C8B: variants seen among roughly 807,000 people sequenced by gnomAD.
The protein encoded by C8B is complement component C8 beta chain.
In C8B, 67 loss-of-function variants were observed where a neutral mutation model predicts 64.6. The ratio of observed to expected loss-of-function variants is 1.04; its 90% CI spans 0.85 to 1.27. C8B has a LOEUF of 1.27. Ranked by LOEUF, C8B falls within the 50% of genes most tolerant of loss-of-function variation. The probability of loss-of-function intolerance (pLI) is 0.00; values close to 1 mark genes in which losing one functional copy is unlikely to be tolerated. For missense variants in C8B, 790 were observed against 725.2 expected, an observed-to-expected ratio of 1.09 and a Z score of -1.03; for synonymous variants, 284 against 257.7, an observed-to-expected ratio of 1.10 and a Z score of -0.98.
chr1:56,932,888 CAGG>C (rs1557725842), intron 10 of C8B, among the ~76,000 whole-genome samples: 1 of 152,124 alleles, frequency 6.6e-6, no homozygotes, highest in Non-Finnish European at 1.5e-5. Context: ...GCTATCACAA[CAGG>C]AGCATAAGAT....
chr1:56,941,196 A>C (rs1357401580), intron 8 of C8B, among the ~76,000 whole-genome samples, 184 bp from the exon 9 acceptor site: 3 of 152,214 alleles, frequency 2.0e-5, no homozygotes, highest in Non-Finnish European at 4.4e-5. Flanking sequence ...AAACTCACCC[A>C]GCCATAGGCT....
At chr1:56,952,296 G>A in intron 4 of C8B, 116 bp from the exon 5 acceptor site, 1 of 1,409,766 alleles carries the variant, frequency 7.1e-7, no homozygotes, top group Non-Finnish European at 9.9e-7. Flanking sequence ...CAAGGCCCTT[G>A]ATACCTGGTC....
rs201174086 is a variant in C8B, at chr1:56,952,178, A to G, written c.536T>C (p.Ile179Thr). The G allele has an allele frequency of 1.7e-5, 27 of 1,614,200 alleles. No homozygotes were observed. In the East Asian group the frequency reaches 3.6e-4, roughly 21 times the overall value. The change falls in exon 5 of 12, where the codon ATA becomes ACA. Residue 179 changes from isoleucine to threonine, a missense_variant and splice_region_variant. Coordinates refer to ENST00000371237, the MANE Select transcript of C8B (RefSeq NM_000066.4). ...YWGIGSLASG[I>T]NLFTNSFEGP... ...CTCAAAACTGTTTGTGAACAAATTT[A>G]TCCTGTGAGGAAGAGACAGAGATGG...
rs1055682946 is a variant in C8B at position 56,965,927 on chromosome 1, C to T, written c.22G>A (p.Ala8Thr). 5 of 1,613,972 alleles carry T rather than the reference C, an allele frequency of 3.1e-6. No individual in the cohort carries two copies. In the East Asian group the frequency reaches 8.9e-5, roughly 29 times the overall value. ...AATAGCTCCACCGGCGCCCTCCAAG[C>T]CCATGTCCTGGAATTCTTCATTTTC... MKNSRTW[A>T]WRAPVELFLL... Residue 8 changes from alanine to threonine, a missense_variant, in exon 1 of 12, where the codon GCT becomes ACT. Ala to Thr is a moderately conservative substitution (Grantham distance 58). Transcript: ENST00000371237.
At chr1:56,943,245 C>G (rs1324113783) in intron 8 of C8B, among the ~76,000 whole-genome samples, 1 of 152,154 alleles carries the variant, frequency 6.6e-6, no homozygotes, top group African/African-American at 2.4e-5. Flanking sequence ...AATTCCAGTC[C>G]TGTGTGTATT....
At chr1:56,957,612 A>T (rs1403686099) in intron 2 of C8B, among the ~76,000 whole-genome samples, 3 of 152,188 alleles carry the variant, frequency 2.0e-5, no homozygotes, top group Non-Finnish European at 2.9e-5. Context: ...AGCAGTCAAT[A>T]TTGCTATATC....
chr1:56,945,380 C>T (rs1644926286), intron 7 of C8B, among the ~76,000 whole-genome samples: 2 of 152,194 alleles, frequency 1.3e-5, no homozygotes, highest in Non-Finnish European at 2.9e-5. Context: ...GTTGGTGGAA[C>T]CGTTTCTGAG....
At chr1:56,944,933 C>A (rs1248314869) in intron 7 of C8B, among the ~76,000 whole-genome samples, 2 of 152,148 alleles carry the variant, frequency 1.3e-5, no homozygotes, top group Admixed American at 6.6e-5. Flanking sequence ...GGTTGGAAAG[C>A]AGCAGACTTG....
At chr1:56,952,610 A>G (rs950459298) in intron 4 of C8B, among the ~76,000 whole-genome samples, 1 of 152,120 alleles carries the variant, frequency 6.6e-6, no homozygotes, top group Non-Finnish European at 1.5e-5. Context: ...TTGTGCATTT[A>G]TTGTCCTGTA....
intron 4 of C8B, 31 bp from the exon 5 acceptor site, chr1:56,952,211 G>A (rs562696863): frequency 8.6e-5 from 139 of 1,613,194 alleles, no homozygotes; most frequent in Non-Finnish European, 1.1e-4. Flanking sequence ...TGGCGAAGAG[G>A]TTAAAGTTTG....
chr1:56,961,126 G>A (rs992337135), intron 1 of C8B, among the ~76,000 whole-genome samples: 1 of 152,154 alleles, frequency 6.6e-6, no homozygotes, highest in African/African-American at 2.4e-5. Context: ...GGATGAATGA[G>A]GATGCTATTT....
In C8B at chr1:56,956,918, A is replaced by T. The variant is rs1645112832; in HGVS notation, c.250-8T>A. 1 of 1,614,032 alleles carries T rather than the reference A, an allele frequency of 6.2e-7. No homozygotes were observed. The highest frequency in any genetic ancestry group is 8.5e-7 in the Non-Finnish European group (1 of 1,179,958). On this transcript the variant is annotated splice_polypyrimidine_tract_variant and splice_region_variant and intron_variant, in intron 2 of 11. Coordinates refer to ENST00000371237, the MANE Select transcript of C8B (RefSeq NM_000066.4). ...CAAGTAGGCATACCTGTACTGTAGC[A>T]GAGAGGAGCCAGGTGAACCAAGGGT...
chr1:56,965,959 T>G lies in C8B; in HGVS notation c.-11A>C. On this transcript the variant is annotated 5_prime_UTR_variant, in exon 1 of 12. Coordinates refer to ENST00000371237, the MANE Select transcript of C8B (RefSeq NM_000066.4). ...CCTGGAATTCTTCATTTTCCCAATG[T>G]GACAGGAGATGCCACAGAGGCTGCT... 1 of 1,613,572 alleles carries G rather than the reference T, an allele frequency of 6.2e-7. No homozygotes were observed. The highest frequency in any genetic ancestry group is 8.5e-7 in the Non-Finnish European group (1 of 1,180,002).
chr1:56,943,579 T>C (rs1644896428), intron 8 of C8B, 117 bp downstream of exon 8: 7 of 1,170,606 alleles, frequency 6.0e-6, no homozygotes, highest in African/African-American at 1.5e-5. Flanking sequence ...AAGGACATAG[T>C]TGGCCTAGAA....
chr1:56,956,440 T>C (rs769080830), intron 3 of C8B, among the ~76,000 whole-genome samples: 6 of 152,226 alleles, frequency 3.9e-5, no homozygotes, highest in African/African-American at 7.2e-5. Flanking sequence ...CCAGCACACA[T>C]ACTTTTTGTG....
At chr1:56,962,467 C>A (rs970528443) in intron 1 of C8B, among the ~76,000 whole-genome samples, 4 of 152,180 alleles carry the variant, frequency 2.6e-5, no homozygotes, top group African/African-American at 9.7e-5. Flanking sequence ...TGTGTGGGAA[C>A]AACATGAGCC....
intron 8 of C8B, 146 bp from the exon 9 acceptor site, chr1:56,941,158 G>A: frequency 1.1e-6 from 1 of 905,364 alleles, no homozygotes; most frequent in Non-Finnish European, 1.7e-6. Context: ...CTTGTCCACA[G>A]GGCAGTCATG....
intron 8 of C8B, 26 bp from the exon 9 acceptor site, chr1:56,941,038 T>C (rs1644846899): frequency 6.2e-7 from 1 of 1,613,262 alleles, no homozygotes. Context: ...AGCTAGCAGG[T>C]CACAGAAGAT....
In C8B at chr1:56,949,614, T is replaced by G. The variant is rs752999987; in HGVS notation, c.805A>C (p.Ser269Arg). The G allele has an allele frequency of 6.2e-6, 10 of 1,614,010 alleles. No individual in the cohort carries two copies. The highest frequency in any genetic ancestry group is 2.7e-5 in the African/African-American group (2 of 74,944). The change falls in exon 6 of 12, where the codon AGT becomes CGT. Residue 269 changes from serine (S) to arginine (R), a missense_variant. By Grantham distance (110) the Ser-to-Arg change is moderately radical. Transcript: ENST00000371237. ...TGTTTGCCTCGATCACTTTGACTAC[T>G]GATGCCAAGTTCAAATATTCCAGGT... ...KIPGIFELGI[S>R]SQSDRGKHYI...
Sources: allele counts gnomAD v4.1 joint callset (sites outside exome capture counted in the v4.1 genomes callset), GRCh38; gene constraint gnomAD v4.1.1; transcripts MANE v1.5; gene names NCBI Gene and HGNC (gene_info 2026-07-23, HGNC 2026-07-21).